TENT5D: variants seen among roughly 807,000 people sequenced by gnomAD.
TENT5D encodes the protein terminal nucleotidyltransferase 5D.
For missense variants in TENT5D, 191 were observed against 287.0 expected (o/e 0.67, Z 2.42); for synonymous variants, 103 against 100.6 (o/e 1.02, Z -0.15).
chrX:80,436,884 T>C (rs968628924), intron 1 of TENT5D, among the ~76,000 whole-genome samples: 2 of 111,925 alleles, frequency 1.8e-5, no homozygotes, highest in Non-Finnish European at 3.8e-5. Flanking sequence ...TCTCTATTGG[T>C]ACAGAGATCA....
chrX:80,423,751 G>T (rs1462672775), intron 1 of TENT5D, among the ~76,000 whole-genome samples: 1 of 110,460 alleles, frequency 9.1e-6, no homozygotes, highest in Non-Finnish European at 1.9e-5. Flanking sequence ...AGCACCCCAT[G>T]TACATGCCCA....
chrX:80,360,012 A>G (rs1246794052), intron 3 of TENT5D, among the ~76,000 whole-genome samples: 1 of 112,266 alleles, frequency 8.9e-6, no homozygotes, highest in East Asian at 2.8e-4. Flanking sequence ...GTAAATCCAT[A>G]TTAAAGATTG....
At chrX:80,408,689 T>C (rs1341126700) in intron 3 of TENT5D, among the ~76,000 whole-genome samples, 1 of 111,199 alleles carries the variant, frequency 9.0e-6, no homozygotes, top group African/African-American at 3.3e-5. Flanking sequence ...ACTGGTACCA[T>C]TCCTTCTGAA....
chrX:80,439,760 G>A (rs146448082), intron 2 of TENT5D, among the ~76,000 whole-genome samples: 1,723 of 109,926 alleles, frequency 0.016, 17 homozygotes, highest in South Asian at 0.085. Flanking sequence ...TATATTTTGT[G>A]CTTATATATG....
At chrX:80,423,152 C>T (rs1931921543) in intron 1 of TENT5D, among the ~76,000 whole-genome samples, 1 of 112,080 alleles carries the variant, frequency 8.9e-6, no homozygotes, top group African/African-American at 3.2e-5. Context: ...GCAAGAGAAG[C>T]TCACTTGGTG....
chrX:80,335,747 A>G (rs1929835736), intron 2 of TENT5D: 1 of 111,813 alleles, frequency 8.9e-6, no homozygotes, highest in Non-Finnish European at 1.9e-5. Context: ...TTTTCAAAAA[A>G]TTATAGTCGT....
Position 80,442,515 on chromosome X carries a change from T to C in TENT5D, c.-18-7T>C, listed in dbSNP as rs772030179. ...TATTTCTTCCCAATATTTTGTTTGC[T>C]GTCTAGTGATCTACTGACTTCACAA... On this transcript the variant is annotated splice_region_variant and splice_polypyrimidine_tract_variant and intron_variant, in intron 2 of 2. Transcript: ENST00000308293. 7.1e-6 allele frequency: 8 copies of C among 1,134,664 alleles called. No individual in the cohort carries two copies. In the South Asian group the frequency reaches 1.2e-4, roughly 17 times the overall value. The allele number at this position is 1,134,664 out of a possible 1,213,427, so 93.5% of individuals were successfully genotyped here. A position where few individuals can be genotyped will look rare whatever the true frequency, so the allele number is the denominator to read the frequency against.
At chrX:80,387,688 A>G (rs751087666) in intron 3 of TENT5D, among the ~76,000 whole-genome samples, 3 of 111,216 alleles carry the variant, frequency 2.7e-5, no homozygotes, top group East Asian at 5.7e-4. Context: ...CCCTGGGTCA[A>G]ACCTGAAGCC....
At chrX:80,348,503 T>C (rs934856158) in intron 3 of TENT5D, among the ~76,000 whole-genome samples, 2 of 111,949 alleles carry the variant, frequency 1.8e-5, no homozygotes, top group African/African-American at 6.5e-5. Flanking sequence ...TTTTGCCCAT[T>C]GATTTTGTAT....
intron 1 of TENT5D, among the ~76,000 whole-genome samples, chrX:80,422,729 G>A: frequency 9.0e-6 from 1 of 111,150 alleles, no homozygotes; most frequent in East Asian, 2.8e-4. Context: ...TAGAAACATT[G>A]GGATGAGTTT....
intron 1 of TENT5D, among the ~76,000 whole-genome samples, chrX:80,429,068 C>T (rs1932036102): frequency 9.0e-6 from 1 of 110,851 alleles, no homozygotes; most frequent in Non-Finnish European, 1.9e-5. Context: ...TTGATGGAGC[C>T]GGGGGGTTGA....
Position 80,422,175 on chromosome X carries a change from T to TA in TENT5D, c.-142+1619dup, listed in dbSNP as rs763246133. Among the ~76,000 whole-genome samples the TA allele has an allele frequency of 1.1e-4, 12 of 111,353 alleles. No homozygotes were observed. The South Asian group carries it at 4.2e-3, about 39-fold the overall frequency. ...CCTTCTTTCTTTATTTCTCTCCCTT[T>TA]AAAAAAATGCCTTTCATGGCTGGGT... On this transcript the variant is annotated intron_variant, in intron 1 of 2. Coordinates refer to ENST00000308293, the Ensembl canonical transcript of TENT5D.
chrX:80,366,092 A>G (rs1930504894), intron 3 of TENT5D, among the ~76,000 whole-genome samples: 3 of 110,624 alleles, frequency 2.7e-5, no homozygotes, highest in African/African-American at 9.9e-5. Flanking sequence ...TGTACTGTTC[A>G]TTAGTATTTC....
At chrX:80,339,485 C>G (rs1929916044) in intron 2 of TENT5D, among the ~76,000 whole-genome samples, 1 of 111,120 alleles carries the variant, frequency 9.0e-6, no homozygotes, top group African/African-American at 3.3e-5. Flanking sequence ...GAACATTAGA[C>G]TAGCCTAGAA....
intron 3 of TENT5D, among the ~76,000 whole-genome samples, chrX:80,357,159 CATT>C (rs1930301475): frequency 8.9e-6 from 1 of 112,062 alleles, no homozygotes; most frequent in Admixed American, 9.4e-5. Flanking sequence ...TCCAGTCTAT[CATT>C]GTTGGACATT....
chrX:80,369,252 T>C, intron 3 of TENT5D, among the ~76,000 whole-genome samples: 1 of 112,231 alleles, frequency 8.9e-6, no homozygotes, highest in East Asian at 2.8e-4. Flanking sequence ...TGAATAGTAT[T>C]TATTCTATAT....
chrX:80,346,042 T>C (rs1315609355), intron 3 of TENT5D, among the ~76,000 whole-genome samples: 3 of 112,273 alleles, frequency 2.7e-5, no homozygotes, highest in Non-Finnish European at 5.6e-5. Context: ...GTTATAGTCA[T>C]ATTCTTCATT....
chrX:80,376,061 G>C (rs1168911418), intron 3 of TENT5D, among the ~76,000 whole-genome samples: 2 of 110,504 alleles, frequency 1.8e-5, no homozygotes, highest in Non-Finnish European at 3.8e-5. Flanking sequence ...TAGATAAGAA[G>C]TTTCAGTGTT....
chrX:80,357,121 G>A (rs1455560424), intron 3 of TENT5D, among the ~76,000 whole-genome samples: 91 of 111,858 alleles, frequency 8.1e-4, no homozygotes, highest in Admixed American at 2.7e-3. Flanking sequence ...ATAGTATTCT[G>A]TGGTGTATAT....
Sources: gnomAD v4.1 joint callset for allele counts (sites outside exome capture counted in the v4.1 genomes callset) on GRCh38, gnomAD v4.1.1 for gene constraint, MANE v1.5 for transcripts, NCBI Gene and HGNC (gene_info 2026-07-23, HGNC 2026-07-21) for gene names.